The following PLCE1 variants were observed in gnomAD, a reference collection of about 807,000 sequenced individuals.
The protein encoded by PLCE1 is phospholipase C epsilon 1.
In PLCE1, 119 loss-of-function variants were observed where a neutral mutation model predicts 242.8. The observed-to-expected ratio is 0.49, with a 90% CI of 0.42 to 0.57. The LOEUF (loss-of-function observed/expected upper bound fraction) is 0.57, where lower values mean the gene tolerates loss of function less well. Among genes scored for constraint, PLCE1 ranks in the 20% least tolerant of loss-of-function variants. The pLI is 0.00. For missense variants in PLCE1, 2,441 were observed against 2,788.8 expected, an observed-to-expected ratio of 0.88 and a Z score of 2.81; for synonymous variants, 945 against 1,017.4, an observed-to-expected ratio of 0.93 and a Z score of 1.35.
chr10:94,084,354 A>G (rs2044739913), intron 2 of PLCE1, among the ~76,000 whole-genome samples: 1 of 152,180 alleles, frequency 6.6e-6, no homozygotes, highest in African/African-American at 2.4e-5. Context: ...TTGGTGGAAG[A>G]AATGAGGGGA....
chr10:94,042,067 T>G (rs34140002), intron 2 of PLCE1, among the ~76,000 whole-genome samples: 324 of 152,254 alleles, frequency 2.1e-3, no homozygotes, highest in Non-Finnish European at 3.4e-3. Context: ...ATTTAACAAA[T>G]TATAAATTAA....
At chr10:94,158,490 T>G (rs1405514038) in intron 3 of PLCE1, among the ~76,000 whole-genome samples, 1 of 152,152 alleles carries the variant, frequency 6.6e-6, no homozygotes, top group Non-Finnish European at 1.5e-5. Flanking sequence ...AAAGAACAGA[T>G]GAGAAAATGC....
chr10:94,279,545 A>T lies in PLCE1; in HGVS notation c.4666-237A>T, dbSNP rs1023884965. The T allele has an allele frequency of 5.5e-5, 30 of 547,832 alleles. No individual in the cohort carries two copies. The East Asian group carries it at 9.8e-4, about 18-fold the overall frequency. 33.9% of individuals were successfully genotyped at this position (547,832 alleles called of 1,614,324 possible). On this transcript the variant is annotated intron_variant, in intron 19 of 32. Transcript: ENST00000371380. ...ACCTGGCTAGCTGGGCACTGCACACAGTCTTCTGGAGATTGTTTATAAAAG... is the reference window on the plus strand; with the variant it reads ...ACCTGGCTAGCTGGGCACTGCACACTGTCTTCTGGAGATTGTTTATAAAAG...
chr10:94,169,274 A>T (rs762387925), intron 3 of PLCE1, among the ~76,000 whole-genome samples: 1 of 152,230 alleles, frequency 6.6e-6, no homozygotes, highest in Non-Finnish European at 1.5e-5. Context: ...ATAGAAGGAC[A>T]TAGTGAAGGA....
chr10:94,230,323 A>G (rs1210532301), intron 5 of PLCE1, among the ~76,000 whole-genome samples: 7 of 152,184 alleles, frequency 4.6e-5, no homozygotes, highest in Admixed American at 6.5e-5. Context: ...TGATGTTTAT[A>G]AAAAACAAAA....
rs559591094 is a variant in PLCE1, at chr10:94,326,421, A to T, written c.*24+1317A>T. 8.1e-4 allele frequency among the ~76,000 whole-genome samples: 123 copies of T among 152,340 alleles called. 1 individual carries two copies. The highest frequency in any genetic ancestry group is 2.8e-3 in the African/African-American group (115 of 41,576). ...ACTGATGTCCTATATTACACTCTGCAGTGGTCAAAATTTTAAATATTGTTT... is the reference window on the plus strand; with the variant it reads ...ACTGATGTCCTATATTACACTCTGCTGTGGTCAAAATTTTAAATATTGTTT... On this transcript the variant is annotated intron_variant, in intron 32 of 32. Coordinates refer to ENST00000371380, the MANE Select transcript of PLCE1 (RefSeq NM_016341.4).
intron 4 of PLCE1, among the ~76,000 whole-genome samples, chr10:94,201,249 C>T (rs796933485): frequency 3.3e-5 from 5 of 152,312 alleles, no homozygotes; most frequent in African/African-American, 1.2e-4. Context: ...CACATCCACA[C>T]CAGCCCTTGT....
At chr10:94,083,035 G>A (rs1192578207) in intron 2 of PLCE1, among the ~76,000 whole-genome samples, 1 of 152,150 alleles carries the variant, frequency 6.6e-6, no homozygotes, top group Non-Finnish European at 1.5e-5. Context: ...ACATAGTTTT[G>A]GCAATTCTCT....
chr10:94,058,025 T>A (rs1261633082), intron 2 of PLCE1, among the ~76,000 whole-genome samples: 1 of 152,212 alleles, frequency 6.6e-6, no homozygotes, highest in Non-Finnish European at 1.5e-5. Flanking sequence ...AGATTAATTT[T>A]AAGAACCTTC....
At chr10:94,261,590 A>T (rs1406798022) in intron 13 of PLCE1, among the ~76,000 whole-genome samples, 2 of 152,186 alleles carry the variant, frequency 1.3e-5, no homozygotes, top group Non-Finnish European at 2.9e-5. Context: ...TGTCTTCCAA[A>T]GTGGCTAAAA....
At chr10:94,323,949 G>C (rs2053917157) in intron 30 of PLCE1, among the ~76,000 whole-genome samples, 1 of 152,214 alleles carries the variant, frequency 6.6e-6, no homozygotes, top group Non-Finnish European at 1.5e-5. Flanking sequence ...CAGTGGGACA[G>C]AGACGCTCCT....
At chr10:94,183,206 A>G (rs568913612) in intron 4 of PLCE1, among the ~76,000 whole-genome samples, 2 of 152,234 alleles carry the variant, frequency 1.3e-5, no homozygotes, top group Non-Finnish European at 2.9e-5. Context: ...GAATGTATTT[A>G]TGCTTTACTG....
chr10:94,174,351 GA>G (rs772617944), intron 4 of PLCE1, among the ~76,000 whole-genome samples: 144 of 152,248 alleles, frequency 9.5e-4, no homozygotes, highest in Non-Finnish European at 1.5e-3. Context: ...GAAAGAATGA[GA>G]AAAATAGAAA....
At chr10:94,204,794 GGAAGGAAGC>G (rs2049103335) in intron 4 of PLCE1, among the ~76,000 whole-genome samples, 1 of 81,122 alleles carries the variant, frequency 1.2e-5, no homozygotes, top group African/African-American at 3.8e-5. Context: ...AAGGAAGGAA[GGAAGGAAGC>G]AAAATAATGT....
intron 2 of PLCE1, among the ~76,000 whole-genome samples, chr10:94,114,726 CTA>C (rs1387683381): frequency 2.0e-5 from 3 of 150,630 alleles, no homozygotes; most frequent in East Asian, 2.0e-4. Flanking sequence ...CTCTTATGCC[CTA>C]TGTTTTTTTT....
chr10:94,254,956 C>T lies in PLCE1; in HGVS notation c.3461C>T (p.Thr1154Ile). 6.2e-7 allele frequency: 1 copy of T among 1,614,134 alleles called. No homozygotes were observed. The highest frequency in any genetic ancestry group is 1.1e-5 in the South Asian group (1 of 91,084). ...LPSRRAHSLT[T>I]AGSPNLAAGT... ...TCCAGAAGAGCCCACTCTTTGACCA[C>T]AGCTGGGTCCCCCAACTTGGCTGCC... The change falls in exon 11 of 33, where the codon ACA becomes ATA. Residue 1154 changes from threonine to isoleucine, a missense_variant. By Grantham distance (89) the Thr-to-Ile change is moderately conservative (BLOSUM62 -1). Around this residue, in one of 5 missense-constraint regions of PLCE1, gnomAD observed 1,004 missense variants for 1,322.7 expected, o/e 0.76. Coordinates refer to ENST00000371380, the MANE Select transcript of PLCE1 (RefSeq NM_016341.4).
intron 2 of PLCE1, among the ~76,000 whole-genome samples, chr10:94,045,260 G>A (rs991102105): frequency 3.3e-5 from 5 of 152,046 alleles, no homozygotes; most frequent in African/African-American, 1.2e-4. Context: ...GAGAAGCTGG[G>A]AATATGGGCT....
chr10:94,151,416 G>A (rs1164275810), intron 3 of PLCE1, among the ~76,000 whole-genome samples: 1 of 152,208 alleles, frequency 6.6e-6, no homozygotes, highest in Non-Finnish European at 1.5e-5. Context: ...CCCAAGACAT[G>A]AAAGAATAAC....
intron 2 of PLCE1, among the ~76,000 whole-genome samples, chr10:94,125,479 G>A (rs1590076111): frequency 6.6e-6 from 1 of 151,796 alleles, no homozygotes; most frequent in African/African-American, 2.4e-5. Flanking sequence ...TGCAAGCTCC[G>A]CCTCCTGGGT....
Sources: allele counts gnomAD v4.1 joint callset (sites outside exome capture counted in the v4.1 genomes callset), GRCh38; gene constraint gnomAD v4.1.1; regional missense constraint gnomAD v4.1.1; transcripts MANE v1.5; gene names NCBI Gene and HGNC (gene_info 2026-07-23, HGNC 2026-07-21).